CEP128: variants seen among roughly 807,000 people sequenced by gnomAD.
CEP128 encodes the protein centrosomal protein 128.
A neutral mutation model predicts 156.7 loss-of-function variants in CEP128; 132 were observed. The observed-to-expected ratio is 0.84, with a 90% CI of 0.73 to 0.97. The LOEUF (loss-of-function observed/expected upper bound fraction) is 0.97. Ranked by LOEUF, CEP128 falls within the 50% of genes least tolerant of loss-of-function variation. The pLI is 0.00. For synonymous variants in CEP128, 469 were observed against 448.9 expected (o/e 1.04, Z -0.57); for missense variants, 1,252 against 1,281.9 (o/e 0.98, Z 0.36).
intron 21 of CEP128, among the ~76,000 whole-genome samples, chr14:80,542,148 T>C (rs1889792463): frequency 1.3e-5 from 2 of 152,238 alleles, no homozygotes; most frequent in African/African-American, 4.8e-5. Flanking sequence ...GTATTTCCTA[T>C]GTGTATATGT....
chr14:80,729,421 T>C (rs752469593), intron 19 of CEP128, among the ~76,000 whole-genome samples: 8 of 152,060 alleles, frequency 5.3e-5, no homozygotes, highest in Admixed American at 2.6e-4. Context: ...CACTCGTTGA[T>C]TGGTGGGTAT....
At chr14:80,546,756 C>T (rs985684820) in intron 21 of CEP128, among the ~76,000 whole-genome samples, 1 of 152,050 alleles carries the variant, frequency 6.6e-6, no homozygotes, top group African/African-American at 2.4e-5. Flanking sequence ...ACAAAAGCTC[C>T]AGAAAATCAT....
At chr14:80,931,953 T>C (rs1327929236) in intron 2 of CEP128, among the ~76,000 whole-genome samples, 1 of 152,206 alleles carries the variant, frequency 6.6e-6, no homozygotes, top group Non-Finnish European at 1.5e-5. Context: ...TCATCTTGAA[T>C]TGTAGTTCTC....
chr14:80,492,684 C>T (rs1301849968), downstream of CEP128, among the ~76,000 whole-genome samples: 1 of 152,030 alleles, frequency 6.6e-6, no homozygotes, highest in East Asian at 1.9e-4. Flanking sequence ...TGCTTGGTGG[C>T]TTCAAATGAT....
chr14:80,638,292 A>G (rs912171857), intron 19 of CEP128, among the ~76,000 whole-genome samples: 4 of 152,140 alleles, frequency 2.6e-5, no homozygotes, highest in African/African-American at 9.7e-5. Context: ...AAACTCTCCC[A>G]TCTGTGTGCA....
At chr14:80,631,377 T>C (rs556378597) in intron 19 of CEP128, among the ~76,000 whole-genome samples, 1 of 152,102 alleles carries the variant, frequency 6.6e-6, no homozygotes, top group South Asian at 2.1e-4. Flanking sequence ...GAATGCAGTT[T>C]TCAGAGAAGT....
At chr14:80,581,635 T>C (rs187608281) in intron 19 of CEP128, among the ~76,000 whole-genome samples, 1 of 152,314 alleles carries the variant, frequency 6.6e-6, no homozygotes, top group East Asian at 1.9e-4. Context: ...CTATTCTGTA[T>C]GCTATAGAGG....
chr14:80,837,049 A>G (rs555682224), intron 11 of CEP128, among the ~76,000 whole-genome samples: 119 of 152,254 alleles, frequency 7.8e-4, no homozygotes, highest in Non-Finnish European at 1.4e-3. Flanking sequence ...GAAAGTTTGA[A>G]CTCTGCCAAA....
chr14:80,573,240 T>C (rs1390735804), intron 20 of CEP128, among the ~76,000 whole-genome samples: 1 of 152,146 alleles, frequency 6.6e-6, no homozygotes, highest in Non-Finnish European at 1.5e-5. Context: ...TACTACTAAC[T>C]TTTTAAATAA....
chr14:80,488,065 T>C (rs1887209604), downstream of CEP128, among the ~76,000 whole-genome samples: 2 of 146,414 alleles, frequency 1.4e-5, no homozygotes, highest in Non-Finnish European at 3.0e-5. Flanking sequence ...AAAAAACCCT[T>C]CAAAAATCAA....
At chr14:80,619,706 TTAA>T (rs1893393598) in intron 19 of CEP128, among the ~76,000 whole-genome samples, 1 of 124,502 alleles carries the variant, frequency 8.0e-6, no homozygotes, top group Admixed American at 8.2e-5. Flanking sequence ...CTGTCTCAAG[TTAA>T]AAAAAAAAAA....
At position 80,838,249 on chromosome 14, in the gene CEP128, C is replaced by A. The variant is rs762013548; in HGVS notation, c.879G>T (p.Arg293Ser). Residue 293 changes from arginine to serine, a missense_variant, in exon 11 of 25, where the codon AGG becomes AGT. By Grantham distance (110) the Arg-to-Ser change is moderately radical. Coordinates refer to ENST00000555265, the MANE Select transcript of CEP128 (RefSeq NM_152446.5). ...QLEQELELSR[R>S]LLNQSEGSRE... The stretch of plus-strand genomic sequence containing the variant: ...GGCTGCCTTCTGATTGATTCAATAA[C>A]CTTCGAGATAGCTCCAATTCCTGTT... The A allele has an allele frequency of 6.2e-7, 1 of 1,613,434 alleles. No individual in the cohort carries two copies. Among genetic ancestry groups the A allele is most frequent in the South Asian group, 1.1e-5 (1 of 91,058 alleles).
At chr14:80,482,234 T>C (rs1176339099) in intron 14 of CEP128, among the ~76,000 whole-genome samples, 1 of 152,248 alleles carries the variant, frequency 6.6e-6, no homozygotes, top group African/African-American at 2.4e-5. Context: ...GGGCTTTTAG[T>C]AGTCACTGAT....
chr14:80,863,106 A>T (rs891227260), intron 8 of CEP128, among the ~76,000 whole-genome samples: 8 of 152,162 alleles, frequency 5.3e-5, no homozygotes, highest in Non-Finnish European at 1.0e-4. Flanking sequence ...GATCCCAATA[A>T]ATGCCTCAAA....
chr14:80,647,391 G>C (rs112093167), intron 19 of CEP128, among the ~76,000 whole-genome samples: 1 of 151,636 alleles, frequency 6.6e-6, no homozygotes, highest in African/African-American at 2.4e-5. Flanking sequence ...ACTTCAAATA[G>C]TCTAATAATT....
At chr14:80,504,396 G>A (rs925039673) in intron 24 of CEP128, among the ~76,000 whole-genome samples, 1 of 152,182 alleles carries the variant, frequency 6.6e-6, no homozygotes, top group Non-Finnish European at 1.5e-5. Context: ...TAGGAAGGAA[G>A]GGAGACGGCA....
chr14:80,711,506 T>C (rs1037005118), intron 19 of CEP128, among the ~76,000 whole-genome samples: 2 of 152,048 alleles, frequency 1.3e-5, no homozygotes, highest in Non-Finnish European at 2.9e-5. Context: ...CAGTAGTAAA[T>C]AGCAGTGAGA....
intron 16 of CEP128, among the ~76,000 whole-genome samples, chr14:80,762,386 T>C (rs328258): frequency 0.41 from 61,975 of 151,904 alleles, 13,049 homozygotes; most frequent in African/African-American, 0.49. Flanking sequence ...TGGCTAGCTA[T>C]GACACCTTCA....
intron 19 of CEP128, among the ~76,000 whole-genome samples, chr14:80,661,204 C>CG (rs1193712704): frequency 1.3e-5 from 2 of 152,190 alleles, no homozygotes; most frequent in African/African-American, 4.8e-5. Flanking sequence ...CGTGCTCCCC[C>CG]CCACAGAAAA....
Sources: gnomAD v4.1 joint callset for allele counts (sites outside exome capture counted in the v4.1 genomes callset) on GRCh38, gnomAD v4.1.1 for gene constraint, MANE v1.5 for transcripts, NCBI Gene and HGNC (gene_info 2026-07-23, HGNC 2026-07-21) for gene names.